Variants in KLHL1 observed in about 807,000 individuals in gnomAD.
KLHL1 encodes kelch-like protein 1.
A neutral mutation model predicts 77.7 loss-of-function variants in KLHL1; 47 were observed. The ratio of observed to expected loss-of-function variants is 0.60; its 90% CI spans 0.48 to 0.77. The LOEUF (loss-of-function observed/expected upper bound fraction) is 0.77, where lower values mean the gene tolerates loss of function less well. Ranked by LOEUF, KLHL1 falls within the 30% of genes least tolerant of loss-of-function variation. The pLI is 0.00. For missense variants in KLHL1, 925 were observed against 910.8 expected (o/e 1.02, Z -0.20); for synonymous variants, 360 against 325.2 (o/e 1.11, Z -1.15).
At position 69,859,266 on chromosome 13, in the gene KLHL1, T is replaced by A. The variant is rs867589662; in HGVS notation, c.1228-20104A>T. Among the ~76,000 whole-genome samples, 779 of 152,032 alleles carry A rather than the reference T, an allele frequency of 5.1e-3. 10 individuals are homozygous for A. The highest frequency in any genetic ancestry group is 0.017 in the African/African-American group (718 of 41,502). On this transcript the variant is annotated intron_variant, in intron 5 of 10. Coordinates refer to ENST00000377844, the MANE Select transcript of KLHL1 (RefSeq NM_020866.3). ...TCCTCATCCATTTTGCACTTTTTTT[T>A]TTTTTTTCCTGTTCAGTGCCTTTGG... is the stretch of plus-strand genomic sequence containing the variant.
At chr13:70,089,513 A>C (rs1457113937) in intron 1 of KLHL1, among the ~76,000 whole-genome samples, 1 of 152,126 alleles carries the variant, frequency 6.6e-6, no homozygotes. Flanking sequence ...AGATTGTTAA[A>C]ATAGCTTGCG....
intron 7 of KLHL1, among the ~76,000 whole-genome samples, chr13:69,753,735 T>G (rs933670495): frequency 2.0e-5 from 3 of 152,190 alleles, no homozygotes; most frequent in Admixed American, 2.0e-4. Flanking sequence ...GATTATTCTC[T>G]ACTGTATTCT....
intron 1 of KLHL1, among the ~76,000 whole-genome samples, chr13:69,995,429 GA>G (rs1185557571): frequency 1.3e-5 from 2 of 152,064 alleles, no homozygotes; most frequent in African/African-American, 4.8e-5. Context: ...CTTTTGTGTA[GA>G]AATCTGCATT....
intron 1 of KLHL1, among the ~76,000 whole-genome samples, chr13:70,088,933 G>A (rs1383461740): frequency 1.3e-5 from 2 of 151,812 alleles, no homozygotes; most frequent in Non-Finnish European, 2.9e-5. Flanking sequence ...ATTTACATAT[G>A]TAGTTTGGCT....
At chr13:69,969,721 T>C (rs901491161) in intron 2 of KLHL1, among the ~76,000 whole-genome samples, 1 of 152,144 alleles carries the variant, frequency 6.6e-6, no homozygotes, top group African/African-American at 2.4e-5. Context: ...GAAAAGTTTA[T>C]ACTGCATTTA....
chr13:69,961,585 C>T, intron 2 of KLHL1, 141 bp from the exon 3 acceptor site: 2 of 829,568 alleles, frequency 2.4e-6, no homozygotes, highest in Non-Finnish European at 3.6e-6. Flanking sequence ...ATGAGTTGTA[C>T]TTTACAAAAC....
chr13:69,998,714 G>C (rs1327037972), intron 1 of KLHL1, among the ~76,000 whole-genome samples: 1 of 152,052 alleles, frequency 6.6e-6, no homozygotes, highest in African/African-American at 2.4e-5. Flanking sequence ...CTGTAGGCCA[G>C]TAGTTCAGAA....
At chr13:70,079,921 A>AT (rs1211289161) in intron 1 of KLHL1, among the ~76,000 whole-genome samples, 2 of 152,248 alleles carry the variant, frequency 1.3e-5, no homozygotes, top group South Asian at 2.1e-4. Flanking sequence ...GAACTGAATC[A>AT]TTTTTTAGGA....
chr13:70,087,543 T>TAA (rs77258175), intron 1 of KLHL1, among the ~76,000 whole-genome samples: 16,987 of 135,928 alleles, frequency 0.12, 1,335 homozygotes, highest in African/African-American at 0.23. Context: ...TAAAAGGACT[T>TAA]AAAAAAAAAA....
chr13:69,823,414 G>A lies in KLHL1; in HGVS notation c.1414+15562C>T, dbSNP rs144895338. On this transcript the variant is annotated intron_variant, in intron 6 of 10. Transcript: ENST00000377844. ...AAAGGTATTTGGGGTTGTTGGTGAG[G>A]CGTTAGGCTCTAAAGTCTATATATA... Among the ~76,000 whole-genome samples, 6 of 152,066 alleles carry A rather than the reference G, an allele frequency of 3.9e-5. No individual in the cohort carries two copies. In the East Asian group the frequency reaches 1.2e-3, roughly 29 times the overall value.
chr13:69,710,650 C>G (rs1304033573), intron 9 of KLHL1, among the ~76,000 whole-genome samples: 4 of 152,048 alleles, frequency 2.6e-5, no homozygotes, highest in Admixed American at 1.3e-4. Flanking sequence ...ATGGGACATA[C>G]AAAGTTATTA....
At chr13:69,852,972 G>T (rs114146952) in intron 5 of KLHL1, among the ~76,000 whole-genome samples, 2,286 of 152,028 alleles carry the variant, frequency 0.015, 56 homozygotes, top group African/African-American at 0.053. Flanking sequence ...ATAATTTATT[G>T]GTTCCTAACT....
At chr13:69,734,754 T>A (rs1344288814) in intron 8 of KLHL1, among the ~76,000 whole-genome samples, 1 of 152,132 alleles carries the variant, frequency 6.6e-6, no homozygotes, top group South Asian at 2.1e-4. Context: ...AAGTGATATG[T>A]GACTGCCATC....
chr13:70,029,497 C>A (rs1224422406), intron 1 of KLHL1, among the ~76,000 whole-genome samples: 1 of 152,072 alleles, frequency 6.6e-6, no homozygotes, highest in African/African-American at 2.4e-5. Flanking sequence ...CATATCCAGC[C>A]AAACTAAGCT....
intron 4 of KLHL1, among the ~76,000 whole-genome samples, chr13:69,910,844 G>C (rs550009521): frequency 6.6e-6 from 1 of 152,160 alleles, no homozygotes; most frequent in African/African-American, 2.4e-5. Context: ...TTAGTTCAAA[G>C]GAGAAGCCAG....
intron 1 of KLHL1, among the ~76,000 whole-genome samples, chr13:70,051,585 G>A (rs1886631320): frequency 6.6e-6 from 1 of 152,014 alleles, no homozygotes; most frequent in Admixed American, 6.6e-5. Context: ...ATAGAAGGAA[G>A]AAATGTCCAA....
chr13:69,755,500 A>G (rs550474956), intron 7 of KLHL1, among the ~76,000 whole-genome samples: 242 of 152,210 alleles, frequency 1.6e-3, no homozygotes, highest in African/African-American at 5.4e-3. Flanking sequence ...AACATATGGT[A>G]TTAAAATATT....
chr13:69,758,374 T>A (rs904874178), intron 7 of KLHL1, among the ~76,000 whole-genome samples: 3 of 152,144 alleles, frequency 2.0e-5, no homozygotes, highest in Non-Finnish European at 4.4e-5. Flanking sequence ...TAAGTTCTTA[T>A]AATTTTTTTC....
At position 69,882,491 on chromosome 13, in the gene KLHL1, T is replaced by A; in HGVS notation, c.1019A>T (p.Asn340Ile). 1 of 1,609,346 alleles carries A rather than the reference T, an allele frequency of 6.2e-7. No homozygotes were observed. Among genetic ancestry groups the A allele is most frequent in the South Asian group, 1.1e-5 (1 of 90,902 alleles). Reference sequence around the variant, plus strand: ...TTGATTTCTGATAACTTCCATTATGTTTTCCTGCAGGGAGAAAATATCTTG... The same window carrying A: ...TTGATTTCTGATAACTTCCATTATGATTTCCTGCAGGGAGAAAATATCTTG... ...MKVAHSYTME[N>I]IMEVIRNQEF... Residue 340 changes from asparagine to isoleucine, a missense_variant, in exon 5 of 11, where the codon AAC (asparagine) becomes ATC (isoleucine). Asn to Ile is a moderately radical substitution (Grantham distance 149, BLOSUM62 -3). Transcript: ENST00000377844.
Sources: gnomAD v4.1 joint callset for allele counts (sites outside exome capture counted in the v4.1 genomes callset) on GRCh38, gnomAD v4.1.1 for gene constraint, MANE v1.5 for transcripts, NCBI Gene and HGNC (gene_info 2026-07-23, HGNC 2026-07-21) for gene names.